Variants in THSD7A observed in about 807,000 individuals in gnomAD.
The protein encoded by THSD7A is thrombospondin type-1 domain-containing protein 7A.
Under a neutral mutation model 231.3 loss-of-function variants are expected in THSD7A, and 96 were observed. The observed-to-expected ratio is 0.41, with a 90% confidence interval of 0.35 to 0.49. THSD7A has a LOEUF of 0.49. Among genes scored for constraint, THSD7A ranks in the 20% least tolerant of loss-of-function variants. THSD7A has a pLI of 0.05. For missense variants in THSD7A, 2,290 were observed against 2,070.2 expected (o/e 1.11, Z -2.06); for synonymous variants, 940 against 743.3 (o/e 1.26, Z -4.30).
At chr7:11,565,168 G>C (rs1232960922) in intron 4 of THSD7A, among the ~76,000 whole-genome samples, 1 of 152,080 alleles carries the variant, frequency 6.6e-6, no homozygotes, top group African/African-American at 2.4e-5. Context: ...AGCATTAACT[G>C]ATACTGTAAA....
At chr7:11,819,512 A>G (rs1474055614) in intron 1 of THSD7A, among the ~76,000 whole-genome samples, 1 of 152,206 alleles carries the variant, frequency 6.6e-6, no homozygotes, top group Non-Finnish European at 1.5e-5. Context: ...AAGCCACGAA[A>G]AGGCATGTAG....
chr7:11,646,050 A>G (rs1782267635), intron 1 of THSD7A, among the ~76,000 whole-genome samples: 1 of 152,000 alleles, frequency 6.6e-6, no homozygotes, highest in African/African-American at 2.4e-5. Context: ...CTTAGAGAAA[A>G]TTCTTCTTCA....
intron 1 of THSD7A, among the ~76,000 whole-genome samples, chr7:11,667,372 T>G (rs564571785): frequency 6.6e-6 from 1 of 152,298 alleles, no homozygotes; most frequent in Non-Finnish European, 1.5e-5. Context: ...TTTTAGATTT[T>G]CTTGTGAAAT....
At chr7:11,387,435 G>T (rs539811270) in intron 23 of THSD7A, among the ~76,000 whole-genome samples, 1 of 152,058 alleles carries the variant, frequency 6.6e-6, no homozygotes, top group Non-Finnish European at 1.5e-5. Context: ...CACATCCCTC[G>T]TAGGTTGTAT....
intron 1 of THSD7A, chr7:11,821,113 G>A: frequency 1.9e-6 from 2 of 1,050,978 alleles, no homozygotes; most frequent in Non-Finnish European, 2.9e-6. Flanking sequence ...GTTTTTGGCT[G>A]CCTCTTGCTC....
chr7:11,766,287 G>T (rs1430480923), intron 1 of THSD7A, among the ~76,000 whole-genome samples: 1 of 152,134 alleles, frequency 6.6e-6, no homozygotes, highest in Non-Finnish European at 1.5e-5. Context: ...TGCAGCAAAG[G>T]TCACTCAATC....
chr7:11,389,421 C>CTT (rs57755425), intron 23 of THSD7A, among the ~76,000 whole-genome samples: 2 of 37,608 alleles, frequency 5.3e-5, no homozygotes, highest in Non-Finnish European at 9.7e-5. Context: ...GCAACTCCTG[C>CTT]TTTTTTTTTT....
At chr7:11,517,130 G>T (rs2128314933) in intron 6 of THSD7A, among the ~76,000 whole-genome samples, 1 of 152,224 alleles carries the variant, frequency 6.6e-6, no homozygotes, top group Middle Eastern at 3.4e-3. Flanking sequence ...CTGGGCTAGA[G>T]TTCAGTGGCA....
intron 1 of THSD7A, among the ~76,000 whole-genome samples, chr7:11,737,046 G>T (rs1781940856): frequency 6.6e-6 from 1 of 151,988 alleles, no homozygotes; most frequent in Non-Finnish European, 1.5e-5. Flanking sequence ...TGCCATGATT[G>T]TAAGTTTCCT....
chr7:11,727,913 T>G (rs540379194), intron 1 of THSD7A, among the ~76,000 whole-genome samples: 94 of 152,104 alleles, frequency 6.2e-4, no homozygotes, highest in African/African-American at 2.1e-3. Context: ...TTGATGTTTA[T>G]TTTGTCTTTT....
intron 4 of THSD7A, among the ~76,000 whole-genome samples, chr7:11,552,339 C>T (rs546187458): frequency 4.6e-5 from 7 of 151,998 alleles, no homozygotes; most frequent in Non-Finnish European, 1.0e-4. Context: ...CACACACACT[C>T]CCAACCCCTA....
At position 11,761,329 on chromosome 7, in the gene THSD7A, T is replaced by C. The variant is rs1259576864; in HGVS notation, c.190+70428A>G. Among the ~76,000 whole-genome samples, 4 of 152,074 alleles carry C rather than the reference T, an allele frequency of 2.6e-5. No individual in the cohort carries two copies. In the East Asian group the frequency reaches 7.7e-4, roughly 29 times the overall value. On this transcript the variant is annotated intron_variant, in intron 1 of 27. Transcript: ENST00000423059. ...TGTTAACTGAAGGTTGAAATACATA[T>C]CATGTCATCCACCACCAAAATTCTG...
At chr7:11,707,163 G>T (rs1780795714) in intron 1 of THSD7A, among the ~76,000 whole-genome samples, 1 of 150,850 alleles carries the variant, frequency 6.6e-6, no homozygotes, top group East Asian at 2.0e-4. Flanking sequence ...CCACTTTCAA[G>T]TAGGCCTCTG....
chr7:11,690,325 A>C (rs1387159092), intron 1 of THSD7A, among the ~76,000 whole-genome samples: 1 of 151,786 alleles, frequency 6.6e-6, no homozygotes, highest in Non-Finnish European at 1.5e-5. Context: ...AGTATAACAC[A>C]AACATTAATA....
At chr7:11,509,382 A>G (rs1272683433) in intron 6 of THSD7A, among the ~76,000 whole-genome samples, 1 of 152,170 alleles carries the variant, frequency 6.6e-6, no homozygotes, top group African/African-American at 2.4e-5. Context: ...CTCATCCAAC[A>G]AAATTGTTCC....
At chr7:11,571,689 C>T (rs1790637836) in intron 4 of THSD7A, among the ~76,000 whole-genome samples, 1 of 152,170 alleles carries the variant, frequency 6.6e-6, no homozygotes, top group Non-Finnish European at 1.5e-5. Context: ...ACTATTTTCA[C>T]CAAATGTAGT....
At chr7:11,540,507 A>G (rs1583934105) in intron 6 of THSD7A, among the ~76,000 whole-genome samples, 1 of 152,230 alleles carries the variant, frequency 6.6e-6, no homozygotes. Context: ...CACATGCTGT[A>G]AACAGCATAA....
intron 11 of THSD7A, among the ~76,000 whole-genome samples, chr7:11,450,875 C>T (rs538776924): frequency 3.9e-5 from 6 of 152,090 alleles, no homozygotes; most frequent in African/African-American, 1.4e-4. Context: ...ACCATGAAAG[C>T]TTCTCAGTGA....
At chr7:11,757,510 A>G (rs531681472) in intron 1 of THSD7A, among the ~76,000 whole-genome samples, 20 of 152,210 alleles carry the variant, frequency 1.3e-4, no homozygotes, top group South Asian at 6.2e-4. Flanking sequence ...CCCAAGTTAC[A>G]GATCTAGCCC....
Sources: gnomAD v4.1 joint callset for allele counts (sites outside exome capture counted in the v4.1 genomes callset) on GRCh38, gnomAD v4.1.1 for gene constraint, MANE v1.5 for transcripts, NCBI Gene and HGNC (gene_info 2026-07-23, HGNC 2026-07-21) for gene names.